PLCH1: variants seen among roughly 807,000 people sequenced by gnomAD.
PLCH1 encodes the protein 1-phosphatidylinositol 4,5-bisphosphate phosphodiesterase eta-1.
In PLCH1, 60 loss-of-function variants were observed where a neutral mutation model predicts 126.7. The ratio of observed to expected loss-of-function variants is 0.47; its 90% CI spans 0.38 to 0.59. The LOEUF is 0.59. Ranked by LOEUF, PLCH1 falls within the 20% of genes least tolerant of loss-of-function variation. PLCH1 has a pLI of 0.00. For synonymous variants in PLCH1, 719 were observed against 734.9 expected (o/e 0.98, Z 0.35); for missense variants, 1,723 against 2,040.0 (o/e 0.84, Z 2.99).
intron 21 of PLCH1, among the ~76,000 whole-genome samples, chr3:155,486,573 G>A (rs545719722): frequency 4.1e-5 from 6 of 146,646 alleles, no homozygotes; most frequent in Admixed American, 2.1e-4. Context: ...GCCGGACTGC[G>A]GACTGCAGTG....
chr3:155,603,083 T>C (rs1056742771), intron 2 of PLCH1, among the ~76,000 whole-genome samples: 2 of 152,142 alleles, frequency 1.3e-5, no homozygotes, highest in African/African-American at 4.8e-5. Context: ...TGCACTCTTT[T>C]GTGAACACAT....
intron 2 of PLCH1, among the ~76,000 whole-genome samples, chr3:155,668,484 T>TA (rs1743043831): frequency 6.6e-6 from 1 of 152,132 alleles, no homozygotes; most frequent in South Asian, 2.1e-4. Context: ...TATTTCTATG[T>TA]AAAAAATAAG....
At chr3:155,700,895 T>C (rs1746223874) in intron 2 of PLCH1, among the ~76,000 whole-genome samples, 1 of 152,126 alleles carries the variant, frequency 6.6e-6, no homozygotes, top group Non-Finnish European at 1.5e-5. Context: ...TGCTCAAGAT[T>C]TTTTTCTATT....
intron 18 of PLCH1, among the ~76,000 whole-genome samples, chr3:155,491,170 A>AG (rs1716121241): frequency 6.6e-6 from 1 of 152,270 alleles, no homozygotes. Flanking sequence ...ACAAATGCTG[A>AG]GAGCAGCTGT....
chr3:155,565,002 T>C lies in PLCH1; in HGVS notation c.982A>G (p.Thr328Ala). 1 of 1,613,678 alleles carries C rather than the reference T, an allele frequency of 6.2e-7. No homozygotes were observed. Among genetic ancestry groups the C allele is most frequent in the Non-Finnish European group, 8.5e-7 (1 of 1,179,608 alleles). The change falls in exon 8 of 23, where the codon ACA becomes GCA. Residue 328 changes from threonine (T) to alanine (A), a missense_variant. Transcript: ENST00000460012. ...AGGAGCTGGTCTCCAGTCAGGTATGTATTGTGAGAGGAAGCAATGTAGTAG... is the reference window on the plus strand; with the variant it reads ...AGGAGCTGGTCTCCAGTCAGGTATGCATTGTGAGAGGAAGCAATGTAGTAG... The part of the protein sequence containing the change: ...CNYYIASSHN[T>A]YLTGDQLLSQ...
intron 6 of PLCH1, among the ~76,000 whole-genome samples, chr3:155,579,252 A>G (rs1308493774): frequency 6.6e-6 from 1 of 152,046 alleles, no homozygotes; most frequent in Non-Finnish European, 1.5e-5. Flanking sequence ...ACTTCCCCTC[A>G]CCTATGGAAT....
chr3:155,595,606 C>A (rs965946944), intron 3 of PLCH1, among the ~76,000 whole-genome samples: 1 of 152,216 alleles, frequency 6.6e-6, no homozygotes, highest in Non-Finnish European at 1.5e-5. Flanking sequence ...CTGAGCTACA[C>A]CAACAGCTTC....
chr3:155,511,674 G>A (rs369665750), intron 12 of PLCH1, among the ~76,000 whole-genome samples: 2 of 141,366 alleles, frequency 1.4e-5, no homozygotes, highest in African/African-American at 5.7e-5. Flanking sequence ...GGGGGTCAGG[G>A]GTCAGGGACC....
chr3:155,546,336 A>G (rs963913862), intron 10 of PLCH1, among the ~76,000 whole-genome samples: 15 of 152,188 alleles, frequency 9.9e-5, no homozygotes, highest in South Asian at 4.1e-4. Flanking sequence ...TACAAGGGAC[A>G]TGAAAGACCT....
chr3:155,684,207 C>T (rs1744753681), intron 2 of PLCH1, among the ~76,000 whole-genome samples: 1 of 152,150 alleles, frequency 6.6e-6, no homozygotes, highest in African/African-American at 2.4e-5. Flanking sequence ...ATACTGAGCC[C>T]TGGGACACTA....
At chr3:155,470,402 G>T (rs1380820332) in intron 21 of PLCH1, among the ~76,000 whole-genome samples, 1 of 152,122 alleles carries the variant, frequency 6.6e-6, no homozygotes, top group Admixed American at 6.5e-5. Flanking sequence ...AACGAGTAAA[G>T]CCTCCAAGAA....
intron 2 of PLCH1, among the ~76,000 whole-genome samples, chr3:155,666,197 C>T (rs559735522): frequency 2.9e-4 from 44 of 152,338 alleles, no homozygotes; most frequent in African/African-American, 8.9e-4. Flanking sequence ...AGTTTTTCTA[C>T]TGTCAAATTG....
intron 1 of PLCH1, among the ~76,000 whole-genome samples, chr3:155,717,966 A>G (rs547462516): frequency 1.3e-5 from 2 of 152,296 alleles, no homozygotes; most frequent in South Asian, 2.1e-4. Context: ...ATTTAAATGT[A>G]AATTCCAACT....
At chr3:155,642,483 T>C (rs1739514006) in intron 2 of PLCH1, among the ~76,000 whole-genome samples, 1 of 152,190 alleles carries the variant, frequency 6.6e-6, no homozygotes, top group South Asian at 2.1e-4. Context: ...ACATAATTTG[T>C]GGGTGTGTCT....
intron 2 of PLCH1, among the ~76,000 whole-genome samples, chr3:155,703,227 A>T (rs1300042130): frequency 6.6e-6 from 1 of 152,208 alleles, no homozygotes; most frequent in Non-Finnish European, 1.5e-5. Context: ...AGCAATAATA[A>T]ACATTAAGTC....
chr3:155,657,726 T>C (rs916521728), intron 2 of PLCH1: 2 of 152,238 alleles, frequency 1.3e-5, no homozygotes, highest in Non-Finnish European at 2.9e-5. Flanking sequence ...GGGATTCATA[T>C]AGTAAACAAT....
Position 155,517,486 on chromosome 3 carries a change from G to C in PLCH1, c.1471-2602C>G, listed in dbSNP as rs532550615. Among the ~76,000 whole-genome samples, 8 of 152,212 alleles carry C rather than the reference G, an allele frequency of 5.3e-5. No homozygotes were observed. In the South Asian group the frequency reaches 1.7e-3, roughly 32 times the overall value. On this transcript the variant is annotated intron_variant, in intron 11 of 22. Transcript: ENST00000460012. ...AAGCTCTAGGGGAGGATCCTTCCTT[G>C]CCTCTTCCAGCTTATGGTGGCCCTA...
chr3:155,602,249 GA>G (rs1733838541), intron 2 of PLCH1, among the ~76,000 whole-genome samples: 1 of 152,068 alleles, frequency 6.6e-6, no homozygotes, highest in African/African-American at 2.4e-5. Context: ...TTTTGTGTAA[GA>G]AAAGAATGGG....
At chr3:155,639,914 C>T (rs768069814) in intron 2 of PLCH1, among the ~76,000 whole-genome samples, 17 of 152,136 alleles carry the variant, frequency 1.1e-4, no homozygotes, top group Non-Finnish European at 2.2e-4. Context: ...TGTGGTACCT[C>T]CAGCTTCTCT....
Sources: allele counts gnomAD v4.1 joint callset (sites outside exome capture counted in the v4.1 genomes callset), GRCh38; gene constraint gnomAD v4.1.1; transcripts MANE v1.5; gene names NCBI Gene and HGNC (gene_info 2026-07-23, HGNC 2026-07-21).